The following EPS15 variants were observed in gnomAD, a reference collection of about 807,000 sequenced individuals.
The protein encoded by EPS15 is epidermal growth factor receptor pathway substrate 15.
Under a neutral mutation model 113.8 loss-of-function variants are expected in EPS15, and 72 were observed. The ratio of observed to expected loss-of-function variants is 0.63; its 90% confidence interval spans 0.52 to 0.77. EPS15 has a LOEUF of 0.77. Ranked by LOEUF, EPS15 falls within the 30% of genes least tolerant of loss-of-function variation. The probability of loss-of-function intolerance (pLI) is 0.00; values close to 1 mark genes in which losing one functional copy is unlikely to be tolerated. For synonymous variants in EPS15, 344 were observed against 363.4 expected (o/e 0.95, Z 0.61); for missense variants, 1,048 against 1,045.8 (o/e 1.00, Z -0.03).
At chr1:51,392,683 T>C (rs549575790) in intron 21 of EPS15, among the ~76,000 whole-genome samples, 3 of 152,358 alleles carry the variant, frequency 2.0e-5, no homozygotes, top group South Asian at 4.1e-4. Context: ...ACATAATCTC[T>C]TTCCATATTT....
chr1:51,461,399 T>C (rs938679821), intron 7 of EPS15, among the ~76,000 whole-genome samples: 3 of 151,852 alleles, frequency 2.0e-5, no homozygotes, highest in Non-Finnish European at 4.4e-5. Context: ...CATCCACCTG[T>C]AGGCCAAGCT....
chr1:51,422,154 T>C (rs1650818824), intron 12 of EPS15: 3 of 682,830 alleles, frequency 4.4e-6, no homozygotes, highest in Admixed American at 9.5e-5. Flanking sequence ...GATGTCACTG[T>C]TGCTATGGAA....
intron 5 of EPS15, among the ~76,000 whole-genome samples, chr1:51,466,037 A>G (rs531314622): frequency 1.1e-4 from 16 of 148,622 alleles, no homozygotes; most frequent in Non-Finnish European, 1.5e-4. Flanking sequence ...GAGCCATAAA[A>G]TATCTGGGGA....
At chr1:51,405,883 G>T (rs780789728) in intron 16 of EPS15, 22 bp downstream of exon 16, 1 of 1,599,536 alleles carries the variant, frequency 6.3e-7, no homozygotes. Flanking sequence ...GATTATGAAG[G>T]TTATGAAAGT....
At chr1:51,482,295 T>G (rs1644034444) in intron 1 of EPS15, among the ~76,000 whole-genome samples, 1 of 152,002 alleles carries the variant, frequency 6.6e-6, no homozygotes, top group South Asian at 2.1e-4. Context: ...ACTTGAGGTA[T>G]GGGGAAGATG....
rs894050552 is a variant in EPS15, at chr1:51,471,632, G to A, written c.213+58C>T. 25 of 1,326,154 alleles carry A rather than the reference G, an allele frequency of 1.9e-5. No individual in the cohort carries two copies. In the African/African-American group the frequency reaches 1.9e-4, roughly 10 times the overall value. 82.1% of individuals were successfully genotyped at this position (1,326,154 alleles called of 1,614,324 possible). A position where few individuals can be genotyped will look rare whatever the true frequency, so the allele number is the denominator to read the frequency against. ...CTTCAAAATACAAGAAAACCCTGCT[G>A]GCTATTTTTTATTTTGAATCACTCA... On this transcript the variant is annotated intron_variant, in intron 4 of 24. Transcript: ENST00000371733.
At chr1:51,493,203 T>C (rs889706650) in intron 1 of EPS15, among the ~76,000 whole-genome samples, 5 of 152,042 alleles carry the variant, frequency 3.3e-5, no homozygotes, top group Non-Finnish European at 7.4e-5. Context: ...CTACTAAAAA[T>C]ACAAAAAATT....
intron 1 of EPS15, among the ~76,000 whole-genome samples, chr1:51,517,533 A>G (rs1644744955): frequency 6.6e-6 from 1 of 152,222 alleles, no homozygotes; most frequent in African/African-American, 2.4e-5. Context: ...CTTCAAGGGA[A>G]AACTCCTGCC....
At chr1:51,370,321 T>C (rs1338888702) in intron 21 of EPS15, among the ~76,000 whole-genome samples, 2 of 152,238 alleles carry the variant, frequency 1.3e-5, no homozygotes, top group Admixed American at 6.5e-5. Context: ...TCTGAAATGC[T>C]TGGGAGAAGG....
chr1:51,371,581 A>T (rs1295079979), intron 21 of EPS15, among the ~76,000 whole-genome samples: 1 of 152,206 alleles, frequency 6.6e-6, no homozygotes, highest in Non-Finnish European at 1.5e-5. Flanking sequence ...ATATTTTTGT[A>T]CAGCTGTATA....
In EPS15 at chr1:51,355,167, T is replaced by C. The variant is rs1361231064; in HGVS notation, c.*1533A>G. 4.6e-6 allele frequency: 1 copy of C among 218,130 alleles called. No individual in the cohort carries two copies. The highest frequency in any genetic ancestry group is 5.8e-5 in the Admixed American group (1 of 17,246). The allele number at this position is 218,130 out of a possible 1,614,324, so 13.5% of individuals were successfully genotyped here. ...GCAGTGCAAGATAGTGGTTTAAAGT[T>C]TGTTTTAAACTGTAGGAGTCTAATT... On this transcript the variant is annotated 3_prime_UTR_variant, in exon 25 of 25. Transcript: ENST00000371733.
chr1:51,380,501 A>G (rs1646916927), intron 21 of EPS15, among the ~76,000 whole-genome samples: 1 of 151,710 alleles, frequency 6.6e-6, no homozygotes, highest in Non-Finnish European at 1.5e-5. Context: ...ATAGACTGTT[A>G]TAATTGTAGG....
chr1:51,448,938 T>C (rs1653300844), intron 8 of EPS15, among the ~76,000 whole-genome samples: 11 of 152,130 alleles, frequency 7.2e-5, no homozygotes, highest in Admixed American at 7.2e-4. Context: ...TTCAGACCCT[T>C]ATCAGCCTAG....
At chr1:51,488,603 T>C (rs1644170922) in intron 1 of EPS15, among the ~76,000 whole-genome samples, 1 of 152,148 alleles carries the variant, frequency 6.6e-6, no homozygotes, top group African/African-American at 2.4e-5. Context: ...CCTGATCTGG[T>C]TGGTTTTGAG....
chr1:51,477,760 G>A (rs1643937071), intron 2 of EPS15, among the ~76,000 whole-genome samples: 1 of 152,110 alleles, frequency 6.6e-6, no homozygotes, highest in Non-Finnish European at 1.5e-5. Flanking sequence ...GTAGTTGAGT[G>A]GTTTTGAGTG....
Position 51,408,351 on chromosome 1 carries a change from TGAG to T in EPS15, c.1276-22_1276-20del. Reference sequence around the variant, plus strand: ...AAGAGATCTATAATGTGAAAGTGAATGAGAAGAAATGGGGATTAAAAGAAGAGA... The same window carrying T: ...AAGAGATCTATAATGTGAAAGTGAATAAGAAATGGGGATTAAAAGAAGAGA... On this transcript the variant is annotated intron_variant, in intron 14 of 24. Coordinates refer to ENST00000371733, the MANE Select transcript of EPS15 (RefSeq NM_001981.3). The T allele has an allele frequency of 6.5e-7, 1 of 1,536,054 alleles. No individual in the cohort carries two copies. The highest frequency in any genetic ancestry group is 1.7e-5 in the Admixed American group (1 of 59,880).
chr1:51,385,784 T>G (rs996333302), intron 21 of EPS15, among the ~76,000 whole-genome samples: 1 of 152,160 alleles, frequency 6.6e-6, no homozygotes, highest in Non-Finnish European at 1.5e-5. Context: ...TTATGGTAAA[T>G]GAAATAAGTC....
At chr1:51,387,274 G>T (rs1570159808) in intron 21 of EPS15, among the ~76,000 whole-genome samples, 2 of 152,068 alleles carry the variant, frequency 1.3e-5, no homozygotes, top group East Asian at 3.9e-4. Context: ...AATGCTGAGA[G>T]ATTTTGTCAC....
chr1:51,360,989 G>A (rs922354544), intron 24 of EPS15, among the ~76,000 whole-genome samples, 182 bp downstream of exon 24: 11 of 152,140 alleles, frequency 7.2e-5, no homozygotes, highest in Admixed American at 6.5e-4. Context: ...TCTGTGCGAT[G>A]GAACAACCGT....
Sources: allele counts gnomAD v4.1 joint callset (sites outside exome capture counted in the v4.1 genomes callset), GRCh38; gene constraint gnomAD v4.1.1; transcripts MANE v1.5; gene names NCBI Gene and HGNC (gene_info 2026-07-23, HGNC 2026-07-21).